ITIH5: variants seen among roughly 807,000 people sequenced by gnomAD.
ITIH5 encodes inter-alpha-trypsin inhibitor heavy chain 5.
A neutral mutation model predicts 77.5 loss-of-function variants in ITIH5; 65 were observed. The ratio of observed to expected loss-of-function variants is 0.84; its 90% CI spans 0.69 to 1.03. The LOEUF (loss-of-function observed/expected upper bound fraction) is 1.03. Ranked by LOEUF, ITIH5 falls within the 50% of genes least tolerant of loss-of-function variation. ITIH5 has a pLI of 0.00. For missense variants in ITIH5, 1,208 were observed against 1,213.1 expected (o/e 1.00, Z 0.06); for synonymous variants, 525 against 494.3 (o/e 1.06, Z -0.82).
intron 7 of ITIH5, among the ~76,000 whole-genome samples, chr10:7,604,661 C>T (rs1479862731): frequency 3.3e-5 from 5 of 152,178 alleles, no homozygotes; most frequent in Admixed American, 6.5e-5. Context: ...TGGTTTTCCC[C>T]AACCAAGAAT....
intron 7 of ITIH5, among the ~76,000 whole-genome samples, chr10:7,608,653 G>A (rs925630102): frequency 1.3e-5 from 2 of 152,120 alleles, no homozygotes; most frequent in Non-Finnish European, 2.9e-5. Context: ...CACACTGTTG[G>A]ACATCACTGG....
intron 5 of ITIH5, among the ~76,000 whole-genome samples, chr10:7,627,390 G>A (rs1221626899): frequency 6.6e-6 from 1 of 151,020 alleles, no homozygotes; most frequent in Non-Finnish European, 1.5e-5. Flanking sequence ...GGCATCAACT[G>A]AAATGCAGGA....
chr10:7,617,259 T>C lies in ITIH5; in HGVS notation c.676A>G (p.Thr226Ala), dbSNP rs768773380. Residue 226 changes from threonine to alanine, a missense_variant, in exon 6 of 14, where the codon ACT becomes GCT. Thr to Ala is a moderately conservative substitution (Grantham distance 58). Transcript: ENST00000397146. ...AATGTTTCATTTTGGTTAATGACAGTAGATGGGGGAGGCCCAGAATCATCT... is the reference window on the plus strand; with the variant it reads ...AATGTTTCATTTTGGTTAATGACAGCAGATGGGGGAGGCCCAGAATCATCT... ...GEDDSGPPPSTVINQNETFAN... is the reference protein window; with the variant it reads ...GEDDSGPPPSAVINQNETFAN... The C allele has an allele frequency of 1.3e-6, 2 of 1,587,334 alleles. No individual in the cohort carries two copies. Among genetic ancestry groups the C allele is most frequent in the Admixed American group, 1.8e-5 (1 of 55,896 alleles).
chr10:7,640,660 G>A, intron 4 of ITIH5, 94 bp downstream of exon 4: 1 of 738,048 alleles, frequency 1.4e-6, no homozygotes, highest in Non-Finnish European at 2.4e-6. Context: ...AGTATTTGGA[G>A]GAAAGGAAGA....
intron 7 of ITIH5, among the ~76,000 whole-genome samples, chr10:7,613,191 A>G (rs990591201): frequency 4.6e-5 from 7 of 150,832 alleles, no homozygotes; most frequent in African/African-American, 1.2e-4. Flanking sequence ...GGCTGCAGTG[A>G]GCCGAGATCA....
At chr10:7,629,785 C>A (rs1833683905) in intron 5 of ITIH5, among the ~76,000 whole-genome samples, 1 of 152,180 alleles carries the variant, frequency 6.6e-6, no homozygotes, top group Admixed American at 6.5e-5. Context: ...GTAGACATTT[C>A]TGAACAAGTA....
chr10:7,602,794 T>C (rs1833041203), intron 7 of ITIH5, among the ~76,000 whole-genome samples: 1 of 149,062 alleles, frequency 6.7e-6, no homozygotes, highest in Non-Finnish European at 1.5e-5. Flanking sequence ...CTCAAGAATC[T>C]TTTTTTTTAC....
rs775841123 is a variant in ITIH5, at chr10:7,576,621, G to A, written c.1810C>T (p.Arg604Trp). 2.8e-5 allele frequency: 45 copies of A among 1,613,668 alleles called. No homozygotes were observed. Among genetic ancestry groups the A allele is most frequent in the Non-Finnish European group, 3.5e-5 (41 of 1,179,990 alleles). Residue 604 changes from arginine (R) to tryptophan (W), a missense_variant, in exon 10 of 14, where the codon CGG (arginine) becomes TGG (tryptophan). Physicochemically the swap from Arg to Trp is moderately radical, Grantham distance 101 (BLOSUM62 -3). Transcript: ENST00000397146. The part of the protein sequence containing the change: ...DEPEKERLRQ[R>W]AQALAVSYRF... ...TAGCTCACAGCCAGGGCCTGGGCCC[G>A]CTGCCGCAGCCGCTCCTTCTCCGGT...
intron 1 of ITIH5, among the ~76,000 whole-genome samples, chr10:7,657,834 G>A (rs112073576): frequency 2.0e-5 from 3 of 152,176 alleles, no homozygotes; most frequent in African/African-American, 7.2e-5. Context: ...TCCCAGAACT[G>A]CCTTTTCTTC....
intron 8 of ITIH5, among the ~76,000 whole-genome samples, chr10:7,584,950 G>C (rs571616471): frequency 6.6e-6 from 1 of 152,330 alleles, no homozygotes; most frequent in South Asian, 2.1e-4. Context: ...TACCAGCCCA[G>C]CAAGATCAAG....
At chr10:7,625,643 T>C (rs1037710715) in intron 5 of ITIH5, among the ~76,000 whole-genome samples, 1 of 151,864 alleles carries the variant, frequency 6.6e-6, no homozygotes, top group Non-Finnish European at 1.5e-5. Flanking sequence ...CGTGAGCTTG[T>C]AACCCCAGCT....
At chr10:7,565,501 A>T (rs1229800599) in intron 13 of ITIH5, among the ~76,000 whole-genome samples, 1 of 150,408 alleles carries the variant, frequency 6.6e-6, no homozygotes, top group Non-Finnish European at 1.5e-5. Context: ...TATATTATGT[A>T]TATGTGTGCA....
In ITIH5 at chr10:7,661,411, G is replaced by A. The variant is rs185677603; in HGVS notation, c.90+5392C>T. Among the ~76,000 whole-genome samples, 147 of 152,210 alleles carry A rather than the reference G, an allele frequency of 9.7e-4. 1 individual carries two copies. The highest frequency in any genetic ancestry group is 1.8e-3 in the Admixed American group (27 of 15,288). ...GAAACCCAAACCGAGAAACTTAAGG[G>A]CCAATTACCTTAGAGATCTGCTATA... On this transcript the variant is annotated intron_variant, in intron 1 of 13. Coordinates refer to ENST00000397146, the MANE Select transcript of ITIH5 (RefSeq NM_030569.7).
intron 7 of ITIH5, among the ~76,000 whole-genome samples, chr10:7,589,612 A>G (rs2130984501): frequency 6.6e-6 from 1 of 152,088 alleles, no homozygotes; most frequent in African/African-American, 2.4e-5. Context: ...TTCCATTCCC[A>G]GGGCTCGGAG....
chr10:7,655,374 T>A (rs1373720179), intron 2 of ITIH5, among the ~76,000 whole-genome samples: 1 of 152,140 alleles, frequency 6.6e-6, no homozygotes, highest in African/African-American at 2.4e-5. Flanking sequence ...TATTTAGGCT[T>A]TAAAAAAAAT....
Position 7,641,917 on chromosome 10 carries a change from T to A in ITIH5, c.299+10A>T. 1.2e-6 allele frequency: 2 copies of A among 1,613,288 alleles called. No individual in the cohort carries two copies. Among genetic ancestry groups the A allele is most frequent in the African/African-American group, 2.7e-5 (2 of 75,028 alleles). On this transcript the variant is annotated intron_variant, in intron 3 of 13. Coordinates refer to ENST00000397146, the MANE Select transcript of ITIH5 (RefSeq NM_030569.7). ...CAGAAATCTTCATCCCTGACCAGCG[T>A]GTCACCTACATAGTGAAGTTGGTGA...
chr10:7,585,865 A>T, intron 8 of ITIH5, 36 bp downstream of exon 8: 1 of 1,535,436 alleles, frequency 6.5e-7, no homozygotes, highest in Non-Finnish European at 8.8e-7. Flanking sequence ...ATTATTTCAA[A>T]GCCAAGCCAA....
chr10:7,634,219 G>A lies in ITIH5; in HGVS notation c.652+3009C>T, dbSNP rs115987753. 1.9e-3 allele frequency among the ~76,000 whole-genome samples: 296 copies of A among 152,152 alleles called. 3 individuals are homozygous for A. Among genetic ancestry groups the A allele is most frequent in the African/African-American group, 6.8e-3 (281 of 41,526 alleles). ...ATCTATCAGCGGAATGTATTGGCTT[G>A]GACCTCATTCACACAATCATAGTTT... On this transcript the variant is annotated intron_variant, in intron 5 of 13. Transcript: ENST00000397146.
At chr10:7,631,109 C>T (rs570444122) in intron 5 of ITIH5, among the ~76,000 whole-genome samples, 2 of 151,924 alleles carry the variant, frequency 1.3e-5, no homozygotes, top group Non-Finnish European at 2.9e-5. Flanking sequence ...GAAAACAGGA[C>T]ATCACAGTCT....
Sources: gnomAD v4.1 joint callset for allele counts (sites outside exome capture counted in the v4.1 genomes callset) on GRCh38, gnomAD v4.1.1 for gene constraint, MANE v1.5 for transcripts, NCBI Gene and HGNC (gene_info 2026-07-23, HGNC 2026-07-21) for gene names.